The following DOCK4 variants were observed in gnomAD, a reference collection of about 807,000 sequenced individuals.
DOCK4 encodes dedicator of cytokinesis 4.
Under a neutral mutation model 268.1 loss-of-function variants are expected in DOCK4, and 97 were observed. That is an observed-to-expected ratio of 0.36 (90% CI 0.31 to 0.43). The LOEUF is 0.43. Among genes scored for constraint, DOCK4 ranks in the 20% least tolerant of loss-of-function variants. The pLI is 1.00. For synonymous variants in DOCK4, 954 were observed against 887.2 expected, an observed-to-expected ratio of 1.08 and a Z score of -1.34; for missense variants, 2,145 against 2,455.7, an observed-to-expected ratio of 0.87 and a Z score of 2.67.
At chr7:111,989,751 G>A (rs1799371598) in intron 5 of DOCK4, among the ~76,000 whole-genome samples, 1 of 152,152 alleles carries the variant, frequency 6.6e-6, no homozygotes, top group South Asian at 2.1e-4. Context: ...AAACAATCAT[G>A]GAGATTCAAG....
chr7:111,808,874 C>T lies in DOCK4; in HGVS notation c.3113G>A (p.Gly1038Asp). The T allele has an allele frequency of 6.2e-7, 1 of 1,612,994 alleles. No individual in the cohort carries two copies. The highest frequency in any genetic ancestry group is 8.5e-7 in the Non-Finnish European group (1 of 1,179,516). The change falls in exon 30 of 53, where the codon GGT (glycine) becomes GAT (aspartate). Residue 1038 changes from glycine (G) to aspartate (D), a missense_variant. Around this residue, in one of 2 missense-constraint regions of DOCK4, gnomAD observed 1,598 missense variants for 1,986.7 expected, o/e 0.80. Transcript: ENST00000428084. ...SKKKKVLEKY[G>D]DMRVTMGCEI... ...ACAACCCATTGTTACCCGCATGTCACCATACCTGAAATAGAACAAAAAACC... is the reference window on the plus strand; with the variant it reads ...ACAACCCATTGTTACCCGCATGTCATCATACCTGAAATAGAACAAAAAACC...
intron 7 of DOCK4, 117 bp downstream of exon 7, chr7:111,984,189 C>T: frequency 2.2e-6 from 2 of 904,478 alleles, no homozygotes; most frequent in Non-Finnish European, 3.3e-6. Context: ...AGTCTTTTTA[C>T]TCTCTCTAAA....
intron 1 of DOCK4, among the ~76,000 whole-genome samples, chr7:112,007,077 T>C (rs554978253): frequency 2.0e-5 from 3 of 152,320 alleles, no homozygotes; most frequent in South Asian, 4.1e-4. Context: ...GTTAGGACAT[T>C]AGAAGATTTC....
intron 22 of DOCK4, among the ~76,000 whole-genome samples, chr7:111,864,393 G>A (rs1414052199): frequency 6.6e-6 from 1 of 152,144 alleles, no homozygotes; most frequent in Admixed American, 6.6e-5. Flanking sequence ...GAGGGCAATG[G>A]AAGAAGAGTC....
chr7:111,764,264 A>C (rs931447445), intron 39 of DOCK4, among the ~76,000 whole-genome samples: 8 of 152,238 alleles, frequency 5.3e-5, no homozygotes, highest in African/African-American at 1.9e-4. Context: ...ATTATTAAAC[A>C]ATAAAGTGAA....
chr7:111,996,648 TCTG>T (rs1285307904), intron 4 of DOCK4, among the ~76,000 whole-genome samples: 2 of 152,186 alleles, frequency 1.3e-5, no homozygotes, highest in Non-Finnish European at 2.9e-5. Context: ...TTTCTGTTCT[TCTG>T]CTGCACAATG....
intron 2 of DOCK4, among the ~76,000 whole-genome samples, chr7:112,000,840 T>C (rs1800365626): frequency 6.6e-6 from 1 of 152,240 alleles, no homozygotes; most frequent in Non-Finnish European, 1.5e-5. Flanking sequence ...CTTCTTATTG[T>C]CTGTTTAATC....
intron 30 of DOCK4, among the ~76,000 whole-genome samples, chr7:111,805,808 A>T (rs1353510865): frequency 1.3e-5 from 2 of 152,236 alleles, no homozygotes; most frequent in Admixed American, 6.5e-5. Context: ...CCAACTAGAC[A>T]GTTTCAAGTG....
At chr7:111,759,082 A>G (rs542246861) in intron 40 of DOCK4, among the ~76,000 whole-genome samples, 1,638 of 152,186 alleles carry the variant, frequency 0.011, 32 homozygotes, top group African/African-American at 0.035. Context: ...GTGTGTGTGT[A>G]TGTGTGTGTA....
intron 12 of DOCK4, 158 bp downstream of exon 12, chr7:111,935,382 A>G: frequency 1.4e-6 from 1 of 707,056 alleles, no homozygotes; most frequent in East Asian, 2.7e-5. Flanking sequence ...CTATCATAGC[A>G]TAGGAAGACA....
At chr7:111,918,952 T>C (rs1244988202) in intron 12 of DOCK4, among the ~76,000 whole-genome samples, 1 of 152,050 alleles carries the variant, frequency 6.6e-6, no homozygotes, top group African/African-American at 2.4e-5. Flanking sequence ...CAACATCATG[T>C]GGTATACATA....
intron 1 of DOCK4, among the ~76,000 whole-genome samples, chr7:112,043,821 T>C (rs1403590454): frequency 6.6e-6 from 1 of 152,000 alleles, no homozygotes; most frequent in African/African-American, 2.4e-5. Flanking sequence ...GCTTCCACTC[T>C]GAAATAAGAA....
chr7:112,177,706 T>C (rs2116665182), intron 1 of DOCK4, among the ~76,000 whole-genome samples: 1 of 152,040 alleles, frequency 6.6e-6, no homozygotes, highest in Middle Eastern at 3.4e-3. Context: ...AGTTGATATG[T>C]CAAATGCTAT....
chr7:112,177,412 G>A (rs1818630396), intron 1 of DOCK4, among the ~76,000 whole-genome samples: 1 of 152,210 alleles, frequency 6.6e-6, no homozygotes, highest in East Asian at 1.9e-4. Flanking sequence ...CTGGCAAACA[G>A]AACTGTTCGT....
In DOCK4 at chr7:111,769,537, T is replaced by C. The variant is rs1277531258; in HGVS notation, c.3820A>G (p.Arg1274Gly). ...LHLTIIQNFD[R>G]GKCWENGIIL... ...GGGGCAGGGCCACTTACTTTGCCTC[T>C]GTCAAAGTTCTGGATGATGGTGAGG... Residue 1274 changes from arginine (R) to glycine (G), a missense_variant, in exon 37 of 53, where the codon AGA becomes GGA. Physicochemically the swap from Arg to Gly is moderately radical, Grantham distance 125. This residue lies in a region of DOCK4 where 1,598 missense variants were observed against 1,986.7 expected (regional missense o/e 0.80). Transcript: ENST00000428084. 1.2e-6 allele frequency: 2 copies of C among 1,613,680 alleles called. No individual in the cohort carries two copies. The highest frequency in any genetic ancestry group is 2.2e-5 in the South Asian group (2 of 91,074).
intron 23 of DOCK4, among the ~76,000 whole-genome samples, chr7:111,853,344 G>A (rs1804736234): frequency 6.6e-6 from 1 of 152,144 alleles, no homozygotes; most frequent in Admixed American, 6.5e-5. Flanking sequence ...CTGCTGAGGG[G>A]CGGCCTCAGT....
intron 25 of DOCK4, 119 bp from the exon 26 acceptor site, chr7:111,834,805 A>G: frequency 1.6e-6 from 1 of 633,518 alleles, no homozygotes; most frequent in Non-Finnish European, 2.5e-6. Flanking sequence ...ACGATGATCC[A>G]AACTTGCCCT....
rs2133333502 is a variant in DOCK4, at chr7:111,727,134, T to C, written c.*1140A>G. The C allele has an allele frequency of 6.5e-6, 1 of 152,766 alleles. No homozygotes were observed. Among genetic ancestry groups the C allele is most frequent in the South Asian group, 2.1e-4 (1 of 4,828 alleles). The allele number at this position is 152,766 out of a possible 1,614,324, so 9.5% of individuals were successfully genotyped here. On this transcript the variant is annotated 3_prime_UTR_variant, in exon 53 of 53. Transcript: ENST00000428084. ...TTTTTCACACTTCTACAACTGGCAT[T>C]AGCATCCCTATCTAGACCTAAGATG...
chr7:111,793,473 A>G (rs1799690225), intron 30 of DOCK4, among the ~76,000 whole-genome samples: 1 of 152,252 alleles, frequency 6.6e-6, no homozygotes, highest in South Asian at 2.1e-4. Context: ...GATAAGGAAC[A>G]AAGTATTCAT....
Sources: allele counts gnomAD v4.1 joint callset (sites outside exome capture counted in the v4.1 genomes callset), GRCh38; gene constraint gnomAD v4.1.1; regional missense constraint gnomAD v4.1.1; transcripts MANE v1.5; gene names NCBI Gene and HGNC (gene_info 2026-07-23, HGNC 2026-07-21).